Variants in HS3ST2 observed in about 807,000 individuals in gnomAD.
HS3ST2 encodes heparan sulfate glucosamine 3-O-sulfotransferase 2.
Under a neutral mutation model 26.3 loss-of-function variants are expected in HS3ST2, and 17 were observed. The ratio of observed to expected loss-of-function variants is 0.65; its 90% CI spans 0.44 to 0.97. The LOEUF (loss-of-function observed/expected upper bound fraction) is 0.97. Among genes scored for constraint, HS3ST2 ranks in the 50% least tolerant of loss-of-function variants. The probability of loss-of-function intolerance (pLI) is 0.00; values close to 1 mark genes in which losing one functional copy is unlikely to be tolerated. For synonymous variants in HS3ST2, 237 were observed against 219.2 expected, an observed-to-expected ratio of 1.08 and a Z score of -0.72; for missense variants, 402 against 501.2, an observed-to-expected ratio of 0.80 and a Z score of 1.89.
At position 22,915,172 on chromosome 16, in the gene HS3ST2, G is replaced by A; in HGVS notation, c.714G>A (p.Leu238=). ...GCCTCTCCTTCCGCAACCGCACCCTGGGCCTGGTGGACGTGTCATGGAACG... is the reference window on the plus strand; with the variant it reads ...GCCTCTCCTTCCGCAACCGCACCCTAGGCCTGGTGGACGTGTCATGGAACG... ...FEGLSFRNRT[L]GLVDVSWNAI... is the part of the protein sequence containing the mutation. Residue 238 remains leucine, a synonymous_variant, in exon 2 of 2, where the codon CTG becomes CTA. Transcript: ENST00000261374. The A allele has an allele frequency of 6.2e-7, 1 of 1,614,122 alleles. No homozygotes were observed. The highest frequency in any genetic ancestry group is 1.1e-5 in the South Asian group (1 of 91,076).
chr16:22,863,326 G>A (rs1901705475), intron 1 of HS3ST2, among the ~76,000 whole-genome samples: 1 of 152,152 alleles, frequency 6.6e-6, no homozygotes, highest in African/African-American at 2.4e-5. Context: ...CACACATGTG[G>A]GTGTCCTCTG....
chr16:22,899,702 A>C (rs953485486), intron 1 of HS3ST2, among the ~76,000 whole-genome samples: 1 of 152,218 alleles, frequency 6.6e-6, no homozygotes, highest in African/African-American at 2.4e-5. Context: ...AGGAAGAGCA[A>C]AAACACGTCT....
chr16:22,845,944 T>A (rs1596612211), intron 1 of HS3ST2, among the ~76,000 whole-genome samples: 1 of 152,208 alleles, frequency 6.6e-6, no homozygotes, highest in East Asian at 1.9e-4. Flanking sequence ...GGTTGCAGCA[T>A]TAAGCCAAGA....
chr16:22,849,672 A>G (rs1037312702), intron 1 of HS3ST2, among the ~76,000 whole-genome samples: 21 of 152,168 alleles, frequency 1.4e-4, no homozygotes, highest in African/African-American at 4.8e-4. Flanking sequence ...AATGGAGTAA[A>G]TTGCGCACTT....
At chr16:22,896,846 C>T (rs1902218332) in intron 1 of HS3ST2, among the ~76,000 whole-genome samples, 1 of 151,776 alleles carries the variant, frequency 6.6e-6, no homozygotes, top group East Asian at 1.9e-4. Context: ...GCTTTGTTGC[C>T]CAGGCACTGG....
At chr16:22,848,828 AGGAACCCTGACACCGTACCATGCAT>A (rs1183119655) in intron 1 of HS3ST2, among the ~76,000 whole-genome samples, 1 of 152,222 alleles carries the variant, frequency 6.6e-6, no homozygotes, top group African/African-American at 2.4e-5. Flanking sequence ...TGCCAAGGGA[AGGAACCCTGACACCGTACCATGCAT>A]GGTGGTGATT....
At chr16:22,832,418 G>T (rs188462039) in intron 1 of HS3ST2, among the ~76,000 whole-genome samples, 71 of 152,178 alleles carry the variant, frequency 4.7e-4, no homozygotes, top group African/African-American at 1.6e-3. Context: ...AAGAGACCCA[G>T]CCCTCACATT....
chr16:22,877,098 A>G (rs1901930337), intron 1 of HS3ST2, among the ~76,000 whole-genome samples: 1 of 152,158 alleles, frequency 6.6e-6, no homozygotes, highest in Admixed American at 6.5e-5. Flanking sequence ...CATGCAACCA[A>G]ACACCAGCCG....
At chr16:22,893,113 TTACGGGGACAGG>T (rs1199715029) in intron 1 of HS3ST2, among the ~76,000 whole-genome samples, 1 of 152,210 alleles carries the variant, frequency 6.6e-6, no homozygotes, top group African/African-American at 2.4e-5. Flanking sequence ...AGCCTGGAGT[TTACGGGGACAGG>T]TACTAGAGTC....
At chr16:22,855,694 CTG>C (rs1555512842) in intron 1 of HS3ST2, among the ~76,000 whole-genome samples, 8 of 123,266 alleles carry the variant, frequency 6.5e-5, no homozygotes, top group African/African-American at 2.3e-4. Context: ...CTCTGTCTCT[CTG>C]TCTCTCTCTC....
At chr16:22,890,283 C>T (rs529919829) in intron 1 of HS3ST2, among the ~76,000 whole-genome samples, 3 of 148,006 alleles carry the variant, frequency 2.0e-5, no homozygotes, top group Non-Finnish European at 3.0e-5. Flanking sequence ...CAAGGATTTT[C>T]TTTTTAAAGG....
At chr16:22,879,935 T>A (rs1298831826) in intron 1 of HS3ST2, among the ~76,000 whole-genome samples, 3 of 152,164 alleles carry the variant, frequency 2.0e-5, no homozygotes, top group African/African-American at 4.8e-5. Context: ...GATTTCCAAC[T>A]ATAGACTGGG....
intron 1 of HS3ST2, among the ~76,000 whole-genome samples, chr16:22,898,206 G>A (rs1902232214): frequency 6.6e-6 from 1 of 152,242 alleles, no homozygotes; most frequent in South Asian, 2.1e-4. Context: ...AAGACACTGT[G>A]CCTTCCTGAT....
chr16:22,884,729 G>A (rs1029114775), intron 1 of HS3ST2, among the ~76,000 whole-genome samples: 13 of 147,226 alleles, frequency 8.8e-5, no homozygotes, highest in Non-Finnish European at 1.6e-4. Flanking sequence ...TAGAAAGTTA[G>A]TCAGGCTCTG....
At chr16:22,816,665 A>G (rs1596600192) in intron 1 of HS3ST2, among the ~76,000 whole-genome samples, 1 of 152,316 alleles carries the variant, frequency 6.6e-6, no homozygotes, top group East Asian at 1.9e-4. Flanking sequence ...GTGCTTTCCA[A>G]GCTGTGACTC....
chr16:22,907,845 G>T (rs1043180439), intron 1 of HS3ST2, among the ~76,000 whole-genome samples: 1 of 152,140 alleles, frequency 6.6e-6, no homozygotes, highest in Non-Finnish European at 1.5e-5. Context: ...CACATAGAAT[G>T]ACAGAAGTGG....
intron 1 of HS3ST2, among the ~76,000 whole-genome samples, chr16:22,834,996 G>A (rs1901233126): frequency 6.6e-6 from 1 of 152,018 alleles, no homozygotes; most frequent in Non-Finnish European, 1.5e-5. Context: ...GATTAATGCT[G>A]CTTATACTGG....
In HS3ST2 at chr16:22,814,465, C is replaced by T; in HGVS notation, c.-146C>T. 1.3e-6 allele frequency: 1 copy of T among 756,642 alleles called. No homozygotes were observed. Among genetic ancestry groups the T allele is most frequent in the Non-Finnish European group, 2.0e-6 (1 of 505,164 alleles). The allele number at this position is 756,642 out of a possible 1,614,324, so 46.9% of individuals were successfully genotyped here. On this transcript the variant is annotated 5_prime_UTR_variant, in exon 1 of 2. Coordinates refer to ENST00000261374, the MANE Select transcript of HS3ST2 (RefSeq NM_006043.2). Reference sequence around the variant, plus strand: ...GCACTGTGCGCACCCTGGTCAGCAGCCCCCGGAGAAGACGGCGCCCCCAAC... The same window carrying T: ...GCACTGTGCGCACCCTGGTCAGCAGTCCCCGGAGAAGACGGCGCCCCCAAC...
At chr16:22,869,658 A>G (rs1185904281) in intron 1 of HS3ST2, among the ~76,000 whole-genome samples, 2 of 152,156 alleles carry the variant, frequency 1.3e-5, no homozygotes, top group African/African-American at 4.8e-5. Context: ...TGTGAGACTC[A>G]TTTACTAACA....
Sources: gnomAD v4.1 joint callset for allele counts (sites outside exome capture counted in the v4.1 genomes callset) on GRCh38, gnomAD v4.1.1 for gene constraint, MANE v1.5 for transcripts, NCBI Gene and HGNC (gene_info 2026-07-23, HGNC 2026-07-21) for gene names.